ARPIN: variants seen among roughly 807,000 people sequenced by gnomAD.
ARPIN encodes the protein UPF0552 protein C15orf38.
Under a neutral mutation model 25.9 loss-of-function variants are expected in ARPIN, and 23 were observed. The observed-to-expected ratio is 0.89, with a 90% CI of 0.64 to 1.26. ARPIN has a LOEUF of 1.26. Ranked by LOEUF, ARPIN falls within the 50% of genes most tolerant of loss-of-function variation. The pLI is 0.00. For synonymous variants in ARPIN, 126 were observed against 131.4 expected, an observed-to-expected ratio of 0.96 and a Z score of 0.28; for missense variants, 333 against 312.2, an observed-to-expected ratio of 1.07 and a Z score of -0.50.
chr15:89,899,056 C>A lies in ARPIN; in HGVS notation c.*2739G>T, dbSNP rs151029484. 3.9e-3 allele frequency: 592 copies of A among 152,848 alleles called. 6 individuals are homozygous for A. The highest frequency in any genetic ancestry group is 0.013 in the African/African-American group (523 of 41,402). The allele number at this position is 152,848 out of a possible 1,614,324, so 9.5% of individuals were successfully genotyped here. A position where few individuals can be genotyped will look rare whatever the true frequency, so the allele number is the denominator to read the frequency against. On this transcript the variant is annotated 3_prime_UTR_variant, in exon 6 of 6. Coordinates refer to ENST00000357484, the MANE Select transcript of ARPIN (RefSeq NM_182616.4). The stretch of plus-strand genomic sequence containing the variant: ...GGGAATAGGATTTTACCTCAGTGTC[C>A]CTACCTGCTGAGCCTGGGACCCTAT...
rs767941508 is a variant in ARPIN at position 89,904,001 on chromosome 15, AG to A, written c.302-19del. On this transcript the variant is annotated intron_variant, in intron 3 of 5. Transcript: ENST00000357484. Reference sequence around the variant, plus strand: ...TTCCACCTCTGCAGGCACAGAGCGCAGGAGGGTCATTATCACTGTGGCAGCA... The same window carrying A: ...TTCCACCTCTGCAGGCACAGAGCGCAGAGGGTCATTATCACTGTGGCAGCA... 3 of 1,590,114 alleles carry A rather than the reference AG, an allele frequency of 1.9e-6. No homozygotes were observed. In the African/African-American group the frequency reaches 4.0e-5, roughly 21 times the overall value.
intron 3 of ARPIN, among the ~76,000 whole-genome samples, chr15:89,906,625 A>T (rs1897124806): frequency 6.6e-6 from 1 of 152,206 alleles, no homozygotes; most frequent in Non-Finnish European, 1.5e-5. Flanking sequence ...AGCATGTGGC[A>T]CAAGGGCTGG....
At chr15:89,910,603 T>C in intron 2 of ARPIN, 141 bp downstream of exon 2, 1 of 982,376 alleles carries the variant, frequency 1.0e-6, no homozygotes, top group Non-Finnish European at 1.5e-6. Context: ...ATAAATCTCC[T>C]GACCTACTTC....
chr15:89,901,226 G>A lies in ARPIN; in HGVS notation c.*569C>T, dbSNP rs1897014702. ...GTGGGGAAGGAAAGCAGGAAACAAT[G>A]AGAACGGAGGAAGAGCCCCGCTAAC... On this transcript the variant is annotated 3_prime_UTR_variant, in exon 6 of 6. Transcript: ENST00000357484. 6.3e-6 allele frequency: 1 copy of A among 157,650 alleles called. No individual in the cohort carries two copies. Among genetic ancestry groups the A allele is most frequent in the Non-Finnish European group, 1.4e-5 (1 of 71,912 alleles). The allele number at this position is 157,650 out of a possible 1,614,324, so 9.8% of individuals were successfully genotyped here. A position where few individuals can be genotyped will look rare whatever the true frequency, so the allele number is the denominator to read the frequency against.
intron 3 of ARPIN, among the ~76,000 whole-genome samples, chr15:89,905,911 C>G (rs1897112663): frequency 6.6e-6 from 1 of 152,116 alleles, no homozygotes; most frequent in South Asian, 2.1e-4. Context: ...AGACCTCTAC[C>G]CAGCAGTGCT....
At chr15:89,912,436 G>A (rs895539715) in intron 1 of ARPIN, 80 of 1,196,748 alleles carry the variant, frequency 6.7e-5, no homozygotes, top group Non-Finnish European at 7.6e-5. Flanking sequence ...TTACGCGGGT[G>A]GGGTGGGGCC....
intron 5 of ARPIN, among the ~76,000 whole-genome samples, chr15:89,902,052 A>G (rs924641330): frequency 8.5e-5 from 13 of 152,204 alleles, no homozygotes; most frequent in African/African-American, 3.1e-4. Context: ...TTTCTCTGGC[A>G]AAAGACATCA....
chr15:89,908,583 C>T (rs867059876), intron 2 of ARPIN, among the ~76,000 whole-genome samples, 171 bp from the exon 3 acceptor site: 5 of 152,134 alleles, frequency 3.3e-5, no homozygotes, highest in African/African-American at 1.2e-4. Flanking sequence ...CTTATGCATT[C>T]ATGGGTTCAC....
chr15:89,899,083 CT>C lies in ARPIN; in HGVS notation c.*2711del, dbSNP rs774002777. The C allele has an allele frequency of 2.6e-3, 315 of 119,388 alleles. No homozygotes were observed. Among genetic ancestry groups the C allele is most frequent in the African/African-American group, 6.2e-3 (192 of 30,858 alleles). The allele number at this position is 119,388 out of a possible 1,614,324, so 7.4% of individuals were successfully genotyped here. A position where few individuals can be genotyped will look rare whatever the true frequency, so the allele number is the denominator to read the frequency against. ...TACCTGCTGAGCCTGGGACCCTATT[CT>C]TTTTTTTTTTTTTTTTTTTGAGACA... On this transcript the variant is annotated 3_prime_UTR_variant, in exon 6 of 6. Transcript: ENST00000357484.
rs145334105 is a variant in ARPIN at position 89,895,922 on chromosome 15, T to C, written c.*5873A>G. ...TTGTTTGTTTGAGATGGAGTCTCAC[T>C]CTGTTGCCCAGGCTGGAGTGCAGTG... On this transcript the variant is annotated 3_prime_UTR_variant, in exon 6 of 6. Transcript: ENST00000357484. 0.015 allele frequency: 2,341 copies of C among 152,626 alleles called. 20 individuals carry two copies. The highest frequency in any genetic ancestry group is 0.03 in the Middle Eastern group (9 of 300). 9.5% of individuals were successfully genotyped at this position (152,626 alleles called of 1,614,324 possible).
chr15:89,895,863 C>G lies in ARPIN; in HGVS notation c.*5932G>C, dbSNP rs1422996460. ...CAGCCTCAGTCTCCCAAACCGCCAC[C>G]ACGCCTAGTCCAGTTTTTTGTTTGT... On this transcript the variant is annotated 3_prime_UTR_variant, in exon 6 of 6. Transcript: ENST00000357484. 1.3e-5 allele frequency: 2 copies of G among 150,094 alleles called. No individual in the cohort carries two copies. Among genetic ancestry groups the G allele is most frequent in the African/African-American group, 5.0e-5 (2 of 40,304 alleles). The allele number at this position is 150,094 out of a possible 1,614,324, so 9.3% of individuals were successfully genotyped here.
rs1050653048 is a variant in ARPIN at position 89,903,210 on chromosome 15, A to G, written c.672+6T>C. 2.5e-6 allele frequency: 4 copies of G among 1,614,142 alleles called. No homozygotes were observed. In the East Asian group the frequency reaches 6.7e-5, roughly 27 times the overall value. On this transcript the variant is annotated splice_donor_region_variant and intron_variant, in intron 5 of 5. Coordinates refer to ENST00000357484, the MANE Select transcript of ARPIN (RefSeq NM_182616.4). ...AGATACAACTGCACCAACACCAGGT[A>G]CCTACCCACTCCTCGTCCTCTGCCC...
intron 2 of ARPIN, 66 bp from the exon 3 acceptor site, chr15:89,908,478 G>A (rs555198598): frequency 4.9e-5 from 78 of 1,592,644 alleles, no homozygotes; most frequent in Non-Finnish European, 5.7e-5. Context: ...TCTGGGCTCC[G>A]GCTGCAGCCC....
chr15:89,903,375 TG>T lies in ARPIN; in HGVS notation c.512del (p.Ser171TyrfsTer10). On this transcript the variant is annotated frameshift_variant, in exon 5 of 6. Transcript: ENST00000357484. LOFTEE classifies it high-confidence loss of function. ...KTRGDGPFLD[S>X]LAKLEAGTVT... ...CTGTTCCAGCCTCAAGTTTGGCCAA[TG>T]AATCTGAAAGAAGAGATGAAATTGA... 1 of 1,614,186 alleles carries T rather than the reference TG, an allele frequency of 6.2e-7. No homozygotes were observed. The highest frequency in any genetic ancestry group is 8.5e-7 in the Non-Finnish European group (1 of 1,180,024).
intron 2 of ARPIN, among the ~76,000 whole-genome samples, chr15:89,909,735 C>T (rs1025044623): frequency 1.3e-5 from 2 of 152,158 alleles, no homozygotes; most frequent in Non-Finnish European, 2.9e-5. Context: ...GGCTGAGGGC[C>T]CATCTCAGGT....
At chr15:89,911,018 C>G (rs557700347) in intron 1 of ARPIN, among the ~76,000 whole-genome samples, 199 bp from the exon 2 acceptor site, 4 of 152,238 alleles carry the variant, frequency 2.6e-5, no homozygotes, top group African/African-American at 9.6e-5. Context: ...TCAGGCTGCC[C>G]TAAGATCAAG....
Position 89,899,639 on chromosome 15 carries a change from A to C in ARPIN, c.*2156T>G, listed in dbSNP as rs1596231175. 2 of 141,938 alleles carry C rather than the reference A, an allele frequency of 1.4e-5. No individual in the cohort carries two copies. Among genetic ancestry groups the C allele is most frequent in the Admixed American group, 7.2e-5 (1 of 13,972 alleles). 8.8% of individuals were successfully genotyped at this position (141,938 alleles called of 1,614,324 possible). ...CCCCTCAAATCATTCTCTTCTTTCC[A>C]TCTCCCCTGCCACTGCTATAGACCA... On this transcript the variant is annotated 3_prime_UTR_variant, in exon 6 of 6. Coordinates refer to ENST00000357484, the MANE Select transcript of ARPIN (RefSeq NM_182616.4).
chr15:89,903,178 T>C, intron 5 of ARPIN, 38 bp downstream of exon 5: 1 of 1,614,192 alleles, frequency 6.2e-7, no homozygotes, highest in South Asian at 1.1e-5. Context: ...ACCATGCTCC[T>C]GCCAGGAGAT....
chr15:89,912,701 C>CG, intron 1 of ARPIN, 43 bp downstream of exon 1: 1 of 1,016,114 alleles, frequency 9.8e-7, no homozygotes, highest in Non-Finnish European at 1.3e-6. Context: ...GGGTTCGAGC[C>CG]GGGGCAGGGG....
Sources: gnomAD v4.1 joint callset for allele counts (sites outside exome capture counted in the v4.1 genomes callset) on GRCh38, gnomAD v4.1.1 for gene constraint, MANE v1.5 for transcripts, NCBI Gene and HGNC (gene_info 2026-07-23, HGNC 2026-07-21) for gene names.